Variants in IL12RB2 observed in about 807,000 individuals in gnomAD.
IL12RB2 encodes the protein interleukin-12 receptor subunit beta-2.
Under a neutral mutation model 89.4 loss-of-function variants are expected in IL12RB2, and 82 were observed. The ratio of observed to expected loss-of-function variants is 0.92; its 90% CI spans 0.77 to 1.10. The LOEUF (loss-of-function observed/expected upper bound fraction) is 1.10. Among genes scored for constraint, IL12RB2 ranks in the 50% least tolerant of loss-of-function variants. The pLI, the probability that IL12RB2 is intolerant of heterozygous loss-of-function variation, is 0.00. For synonymous variants in IL12RB2, 368 were observed against 370.1 expected, an observed-to-expected ratio of 0.99 and a Z score of 0.07; for missense variants, 963 against 1,031.9, an observed-to-expected ratio of 0.93 and a Z score of 0.92.
chr1:67,341,523 A>AG (rs752543274), intron 9 of IL12RB2, among the ~76,000 whole-genome samples: 56,325 of 98,342 alleles, frequency 0.57, 16,458 homozygotes, highest in South Asian at 0.7. Context: ...GGAAAGAAAA[A>AG]AGAAAGAGAA....
At chr1:67,356,149 C>T (rs537008185) in intron 10 of IL12RB2, among the ~76,000 whole-genome samples, 3 of 152,314 alleles carry the variant, frequency 2.0e-5, no homozygotes, top group Admixed American at 6.5e-5. Flanking sequence ...CTGGGAATTC[C>T]AGTTCCTGAC....
intron 16 of IL12RB2, among the ~76,000 whole-genome samples, chr1:67,390,741 A>C (rs1310536915): frequency 6.6e-6 from 1 of 152,218 alleles, no homozygotes; most frequent in African/African-American, 2.4e-5. Context: ...CACAGTGGGC[A>C]AGATGGGCCA....
chr1:67,310,490 G>T (rs1654902186), intron 1 of IL12RB2, among the ~76,000 whole-genome samples: 1 of 152,174 alleles, frequency 6.6e-6, no homozygotes, highest in South Asian at 2.1e-4. Flanking sequence ...ATGGAATCTA[G>T]TTTTAATCAA....
intron 1 of IL12RB2, among the ~76,000 whole-genome samples, chr1:67,308,503 G>A (rs1034823023): frequency 6.6e-6 from 1 of 152,142 alleles, no homozygotes; most frequent in African/African-American, 2.4e-5. Context: ...CTGACCCCGA[G>A]TCCCTGCCTG....
chr1:67,360,167 T>C (rs186302584), intron 10 of IL12RB2, among the ~76,000 whole-genome samples: 2 of 152,088 alleles, frequency 1.3e-5, no homozygotes, highest in Admixed American at 6.5e-5. Flanking sequence ...TTTGGGAGGC[T>C]GAGGCAGGTG....
chr1:67,343,999 A>G (rs1048227523), intron 9 of IL12RB2, among the ~76,000 whole-genome samples: 2 of 152,196 alleles, frequency 1.3e-5, no homozygotes, highest in Non-Finnish European at 2.9e-5. Context: ...CCTGGAGCTC[A>G]CAGTCCAGCA....
At chr1:67,367,757 T>C in intron 10 of IL12RB2, 68 bp from the exon 11 acceptor site, 1 of 935,474 alleles carries the variant, frequency 1.1e-6, no homozygotes, top group East Asian at 2.4e-5. Context: ...TGTTTGGCTT[T>C]TTTTGTTGTT....
intron 11 of IL12RB2, among the ~76,000 whole-genome samples, chr1:67,370,592 A>T (rs1663196545): frequency 6.6e-6 from 1 of 152,164 alleles, no homozygotes; most frequent in South Asian, 2.1e-4. Context: ...ACTTTGCTGA[A>T]GGGTACTAGG....
In IL12RB2 at chr1:67,384,930, T is replaced by G. The variant is rs546311737; in HGVS notation, c.1856-1649T>G. 2.4e-3 allele frequency among the ~76,000 whole-genome samples: 362 copies of G among 152,290 alleles called. 2 individuals carry two copies. Among genetic ancestry groups the G allele is most frequent in the Non-Finnish European group, 4.5e-3 (308 of 68,014 alleles). ...CAAGTCTCTAGGAAGTTCCTAACTT[T>G]CCCACATCTTCCTATCTTCTCAGCC... On this transcript the variant is annotated intron_variant, in intron 14 of 16. Coordinates refer to ENST00000674203, the MANE Select transcript of IL12RB2 (RefSeq NM_001374259.2).
intron 16 of IL12RB2, 48 bp from the exon 17 acceptor site, chr1:67,395,499 A>C: frequency 6.2e-7 from 1 of 1,613,990 alleles, no homozygotes. Flanking sequence ...TAGGTTGTGA[A>C]GGTCACTTCT....
intron 10 of IL12RB2, among the ~76,000 whole-genome samples, chr1:67,366,863 G>A (rs558185963): frequency 6.6e-6 from 1 of 152,234 alleles, no homozygotes; most frequent in South Asian, 2.1e-4. Flanking sequence ...CTGAAAAAAT[G>A]AGTCGGATTT....
chr1:67,327,118 G>C (rs17838042), intron 5 of IL12RB2, among the ~76,000 whole-genome samples: 24,191 of 151,474 alleles, frequency 0.16, 1,998 homozygotes, highest in Middle Eastern at 0.24. Flanking sequence ...CCACCACCAC[G>C]CCCAGCTAAT....
At chr1:67,381,554 G>A (rs1397529049) in intron 14 of IL12RB2, among the ~76,000 whole-genome samples, 2 of 151,882 alleles carry the variant, frequency 1.3e-5, no homozygotes, top group Admixed American at 1.3e-4. Context: ...ATGAGGTCAG[G>A]AGATCGAGAC....
rs1046048619 is a variant in IL12RB2 at position 67,385,248 on chromosome 1, A to T, written c.1856-1331A>T. Among the ~76,000 whole-genome samples the T allele has an allele frequency of 2.6e-5, 4 of 152,226 alleles. No individual in the cohort carries two copies. The South Asian group carries it at 8.3e-4, about 31-fold the overall frequency. ...CTCAGGAAACTTACAATCATGGCTGAAGGGAAAGCAAACACATCCTTCTTC... is the reference window on the plus strand; with the variant it reads ...CTCAGGAAACTTACAATCATGGCTGTAGGGAAAGCAAACACATCCTTCTTC... On this transcript the variant is annotated intron_variant, in intron 14 of 16. Transcript: ENST00000674203.
At chr1:67,326,290 G>C (rs1657276430) in intron 4 of IL12RB2, among the ~76,000 whole-genome samples, 1 of 152,200 alleles carries the variant, frequency 6.6e-6, no homozygotes, top group African/African-American at 2.4e-5. Flanking sequence ...GCTAGCACTG[G>C]ATGTTCACCT....
intron 10 of IL12RB2, among the ~76,000 whole-genome samples, chr1:67,356,452 G>A (rs1262319444): frequency 6.6e-6 from 1 of 152,216 alleles, no homozygotes; most frequent in Non-Finnish European, 1.5e-5. Context: ...AAGAGTGCCT[G>A]TGAGCTGGCT....
At chr1:67,389,913 A>C (rs747377153) in intron 15 of IL12RB2, 116 bp from the exon 16 acceptor site, 6 of 706,704 alleles carry the variant, frequency 8.5e-6, no homozygotes, top group Admixed American at 2.0e-5. Context: ...TTCAGTGTTT[A>C]TCTTTTATTT....
At chr1:67,363,110 C>G (rs1662289589) in intron 10 of IL12RB2, among the ~76,000 whole-genome samples, 1 of 151,360 alleles carries the variant, frequency 6.6e-6, no homozygotes, top group African/African-American at 2.4e-5. Flanking sequence ...ACTATGTTGG[C>G]CAGGATGGTT....
chr1:67,346,559 G>A (rs1343633275), intron 9 of IL12RB2, among the ~76,000 whole-genome samples: 1 of 151,856 alleles, frequency 6.6e-6, no homozygotes, highest in Non-Finnish European at 1.5e-5. Context: ...GCTAATTTTT[G>A]TATTTTTAGT....
Sources: gnomAD v4.1 joint callset for allele counts (sites outside exome capture counted in the v4.1 genomes callset) on GRCh38, gnomAD v4.1.1 for gene constraint, MANE v1.5 for transcripts, NCBI Gene and HGNC (gene_info 2026-07-23, HGNC 2026-07-21) for gene names.